Variants in CD1B observed in about 807,000 individuals in gnomAD.
CD1B encodes CD1b molecule, also known as T-cell surface glycoprotein CD1b.
CD1B carries 43 observed loss-of-function variants against 39.8 expected under a neutral mutation model. The observed-to-expected ratio is 1.08, with a 90% CI of 0.85 to 1.39. CD1B has a LOEUF of 1.39. Ranked by LOEUF, CD1B falls within the 40% of genes most tolerant of loss-of-function variation. The pLI, the probability that CD1B is intolerant of heterozygous loss-of-function variation, is 0.00. For missense variants in CD1B, 495 were observed against 403.8 expected, an observed-to-expected ratio of 1.23 and a Z score of -1.94; for synonymous variants, 192 against 152.5, an observed-to-expected ratio of 1.26 and a Z score of -1.91.
the CD1B span, among the ~76,000 whole-genome samples, chr1:158,316,909 A>T: frequency 6.6e-6 from 1 of 151,772 alleles, no homozygotes; most frequent in African/African-American, 2.4e-5. Context: ...GCATCTATTG[A>T]GATAATCATG....
At chr1:158,320,174 G>C in the CD1B span, among the ~76,000 whole-genome samples, 1 of 152,206 alleles carries the variant, frequency 6.6e-6, no homozygotes, top group African/African-American at 2.4e-5. Flanking sequence ...CTTGAGCTGT[G>C]GTGGGCTCCA....
At chr1:158,320,217 C>G in the CD1B span, among the ~76,000 whole-genome samples, 1 of 152,236 alleles carries the variant, frequency 6.6e-6, no homozygotes, top group Non-Finnish European at 1.5e-5. Context: ...CTTTGTTTAC[C>G]TAAGCAAGCC....
chr1:158,313,215 T>C, the CD1B span, among the ~76,000 whole-genome samples: 3 of 152,238 alleles, frequency 2.0e-5, no homozygotes, highest in African/African-American at 7.2e-5. Context: ...TTTTAAAGGC[T>C]GGTCTTTTAA....
chr1:158,319,994 C>G, the CD1B span, among the ~76,000 whole-genome samples: 1 of 152,146 alleles, frequency 6.6e-6, no homozygotes. Flanking sequence ...GGTCAGGGAC[C>G]CGCTTGAGGA....
At chr1:158,317,454 G>T in the CD1B span, among the ~76,000 whole-genome samples, 3 of 152,268 alleles carry the variant, frequency 2.0e-5, no homozygotes, top group Non-Finnish European at 4.4e-5. Context: ...TTGCGTAGAG[G>T]TGTTTGTAGT....
the CD1B span, among the ~76,000 whole-genome samples, chr1:158,296,169 G>C: frequency 6.6e-6 from 1 of 151,650 alleles, no homozygotes; most frequent in East Asian, 1.9e-4. Flanking sequence ...TGCTTTTCTG[G>C]GACCCCCCCA....
the CD1B span, among the ~76,000 whole-genome samples, chr1:158,321,134 C>G: frequency 3.9e-5 from 6 of 152,136 alleles, no homozygotes; most frequent in Non-Finnish European, 8.8e-5. Context: ...GTATTGTACG[C>G]TATATCTCCC....
At chr1:158,306,300 C>T in the CD1B span, among the ~76,000 whole-genome samples, 119 of 152,238 alleles carry the variant, frequency 7.8e-4, 1 homozygote, top group African/African-American at 2.8e-3. Flanking sequence ...ATAAAACAGA[C>T]TTTAAACCAA....
chr1:158,306,492 C>A, the CD1B span, among the ~76,000 whole-genome samples: 1 of 152,154 alleles, frequency 6.6e-6, no homozygotes, highest in Non-Finnish European at 1.5e-5. Context: ...GAGATTTTAA[C>A]ACCCCACTGT....
At chr1:158,291,322 C>T in the CD1B span, 1 of 1,614,072 alleles carries the variant, frequency 6.2e-7, no homozygotes, top group Non-Finnish European at 8.5e-7. Flanking sequence ...GTTGTCAGAC[C>T]TAGAGTTGTT....
At chr1:158,309,629 C>T in the CD1B span, among the ~76,000 whole-genome samples, 3 of 152,094 alleles carry the variant, frequency 2.0e-5, no homozygotes, top group South Asian at 4.1e-4. Flanking sequence ...GGCACATATA[C>T]ACCATGGAAT....
chr1:158,298,231 C>T, the CD1B span, among the ~76,000 whole-genome samples: 1 of 152,120 alleles, frequency 6.6e-6, no homozygotes, highest in Admixed American at 6.5e-5. Flanking sequence ...CACAGGAGCA[C>T]ACAGGTTCAT....
chr1:158,288,560 T>C, the CD1B span, among the ~76,000 whole-genome samples: 134 of 152,240 alleles, frequency 8.8e-4, 2 homozygotes, highest in African/African-American at 2.9e-3. Flanking sequence ...TTTGGCCAAC[T>C]TTTTAATTTT....
At chr1:158,329,303 A>G (rs1652485884) in intron 4 of CD1B, 67 bp downstream of exon 4, 4 of 1,543,176 alleles carry the variant, frequency 2.6e-6, no homozygotes, top group Non-Finnish European at 3.5e-6. Flanking sequence ...ATCCTTCCCC[A>G]GTGCCTCCCT....
At chr1:158,304,601 A>G in the CD1B span, among the ~76,000 whole-genome samples, 1 of 152,204 alleles carries the variant, frequency 6.6e-6, no homozygotes, top group Non-Finnish European at 1.5e-5. Flanking sequence ...TGGTTCTCCC[A>G]GCATGCAGCT....
the CD1B span, among the ~76,000 whole-genome samples, chr1:158,299,796 G>A: frequency 3.0e-4 from 45 of 152,278 alleles, no homozygotes; most frequent in African/African-American, 1.0e-3. Flanking sequence ...ATTATCCTCT[G>A]ATGGTAGTTT....
chr1:158,329,391 G>T lies in CD1B; in HGVS notation c.865C>A (p.Gln289Lys). The change falls in exon 4 of 6, where the codon CAG (glutamine) becomes AAG (lysine). Residue 289 changes from glutamine to lysine, a missense_variant. By Grantham distance (53) the Gln-to-Lys change is moderately conservative (BLOSUM62 1). Coordinates refer to ENST00000368168, the MANE Select transcript of CD1B (RefSeq NM_001764.3). ...CRVKHSSLEG[Q>K]DIILYWRNPT... ...TTACTCCAGTAGAGGATGATGTCCTGGCCCTCTAAACTGCTGTGCTTCACC... is the reference window on the plus strand; with the variant it reads ...TTACTCCAGTAGAGGATGATGTCCTTGCCCTCTAAACTGCTGTGCTTCACC... The T allele has an allele frequency of 6.2e-7, 1 of 1,613,880 alleles. No individual in the cohort carries two copies. The highest frequency in any genetic ancestry group is 8.5e-7 in the Non-Finnish European group (1 of 1,179,904).
the CD1B span, among the ~76,000 whole-genome samples, chr1:158,294,510 T>C: frequency 6.6e-6 from 1 of 152,352 alleles, no homozygotes; most frequent in African/African-American, 2.4e-5. Flanking sequence ...TTCAAAAAAT[T>C]TTAAATAGAT....
chr1:158,307,217 A>T, the CD1B span, among the ~76,000 whole-genome samples: 1 of 152,204 alleles, frequency 6.6e-6, no homozygotes, highest in African/African-American at 2.4e-5. Flanking sequence ...GAGCAGAATC[A>T]AATAGACGCA....
Sources: allele counts gnomAD v4.1 joint callset (sites outside exome capture counted in the v4.1 genomes callset), GRCh38; gene constraint gnomAD v4.1.1; transcripts MANE v1.5; gene names NCBI Gene and HGNC (gene_info 2026-07-23, HGNC 2026-07-21).